CCZ1: variants seen among roughly 807,000 people sequenced by gnomAD.
CCZ1 encodes CCZ1 vacuolar protein trafficking and biogenesis associated, also known as vacuolar fusion protein CCZ1 homolog.
A neutral mutation model predicts 57.8 loss-of-function variants in CCZ1; 19 were observed. The observed-to-expected ratio is 0.33, with a 90% CI of 0.23 to 0.48. The LOEUF (loss-of-function observed/expected upper bound fraction) is 0.48. Ranked by LOEUF, CCZ1 falls within the 20% of genes least tolerant of loss-of-function variation. CCZ1 has a pLI of 0.99. For missense variants in CCZ1, 200 were observed against 492.0 expected (o/e 0.41, Z 5.61); for synonymous variants, 81 against 167.0 (o/e 0.49, Z 3.97).
rs142826003 is a variant in CCZ1, at chr7:5,901,681, C to T, written c.415C>T (p.Arg139Trp). 211 of 1,598,558 alleles carry T rather than the reference C, an allele frequency of 1.3e-4. 18 individuals carry two copies. In the African/African-American group the frequency reaches 2.4e-3, roughly 18 times the overall value. Residue 139 changes from arginine to tryptophan, a missense_variant, in exon 5 of 15, where the codon CGG becomes TGG. By Grantham distance (101) the Arg-to-Trp change is moderately radical. Transcript: ENST00000325974. ...LLDKVYSSVL[R>W]QCYSMYKLFN... ...GGACAAGGTTTATAGCTCGGTGCTG[C>T]GGCAGTGCTACAGCATGTACAAGGT... is the stretch of plus-strand genomic sequence containing the variant.
intron 12 of CCZ1, among the ~76,000 whole-genome samples, chr7:5,920,796 A>T: frequency 1.0e-5 from 1 of 96,484 alleles, no homozygotes; most frequent in Non-Finnish European, 2.1e-5. Context: ...TCAATATAAA[A>T]TAGTTATTAT....
At chr7:5,906,359 T>A (rs1259469747) in intron 7 of CCZ1, among the ~76,000 whole-genome samples, 1 of 142,048 alleles carries the variant, frequency 7.0e-6, no homozygotes, top group Non-Finnish European at 1.5e-5. Flanking sequence ...AGTCTCACTC[T>A]GTTGCCAGGC....
In CCZ1 at chr7:5,912,934, C is replaced by T. The variant is rs1259694550; in HGVS notation, c.934C>T (p.Leu312Phe). 12 of 1,596,818 alleles carry T rather than the reference C, an allele frequency of 7.5e-6. No homozygotes were observed. The highest frequency in any genetic ancestry group is 2.3e-5 in the South Asian group (2 of 88,762). ...AAATACAGATGACACTTATGAAGAG[C>T]TCCATTTAATCGTTTATAAGGTAAC... ...FVNTDDTYEE[L>F]HLIVYKAMSA... is the part of the protein sequence containing the mutation. The change falls in exon 10 of 15, where the codon CTC (leucine) becomes TTC (phenylalanine). Residue 312 changes from leucine to phenylalanine, a missense_variant. Physicochemically the swap from Leu to Phe is conservative, Grantham distance 22. Coordinates refer to ENST00000325974, the MANE Select transcript of CCZ1 (RefSeq NM_015622.6).
rs1189702564 is a variant in CCZ1 at position 5,926,149 on chromosome 7, G to C, written c.*462G>C. The C allele has an allele frequency of 5.1e-6, 2 of 388,896 alleles. No homozygotes were observed. Among genetic ancestry groups the C allele is most frequent in the Admixed American group, 4.5e-5 (1 of 22,226 alleles). 24.1% of individuals were successfully genotyped at this position (388,896 alleles called of 1,614,324 possible). On this transcript the variant is annotated 3_prime_UTR_variant, in exon 15 of 15. Transcript: ENST00000325974. ...TAGAACCACATGTACACACCACCACGGTCGGCTGATGTTTTAATTTTGCAG... is the reference window on the plus strand; with the variant it reads ...TAGAACCACATGTACACACCACCACCGTCGGCTGATGTTTTAATTTTGCAG...
chr7:5,908,817 G>T (rs1408935762), intron 7 of CCZ1, among the ~76,000 whole-genome samples: 1 of 143,688 alleles, frequency 7.0e-6, no homozygotes, highest in Non-Finnish European at 1.5e-5. Context: ...GCTCCTTCCT[G>T]CCTCATTTCA....
At chr7:5,914,803 G>A (rs1779117282) in intron 10 of CCZ1, among the ~76,000 whole-genome samples, 1 of 145,518 alleles carries the variant, frequency 6.9e-6, no homozygotes, top group Non-Finnish European at 1.5e-5. Context: ...TTGTACCCGC[G>A]AGGCGGAGGT....
rs1162797758 is a variant in CCZ1 at position 5,925,957 on chromosome 7, TG to T, written c.*271del. The T allele has an allele frequency of 1.6e-6, 1 of 611,374 alleles. No individual in the cohort carries two copies. The highest frequency in any genetic ancestry group is 2.9e-6 in the Non-Finnish European group (1 of 343,882). 37.9% of individuals were successfully genotyped at this position (611,374 alleles called of 1,614,324 possible). ...TTACTGGAAAATAAGACTAATAAAT[TG>T]TTAAAAGTTTTTAAAATTCTGGTTT... On this transcript the variant is annotated 3_prime_UTR_variant, in exon 15 of 15. Coordinates refer to ENST00000325974, the MANE Select transcript of CCZ1 (RefSeq NM_015622.6).
At position 5,925,544 on chromosome 7, in the gene CCZ1, A is replaced by T. The variant is rs1583197015; in HGVS notation, c.1394-88A>T. ...AAAATCAATGCAAATCTCTCTTCCTAATTTTACCCAAGAAGAATTTAATTA... is the reference window on the plus strand; with the variant it reads ...AAAATCAATGCAAATCTCTCTTCCTTATTTTACCCAAGAAGAATTTAATTA... On this transcript the variant is annotated intron_variant, in intron 14 of 14. Coordinates refer to ENST00000325974, the MANE Select transcript of CCZ1 (RefSeq NM_015622.6). 7.0e-6 allele frequency: 11 copies of T among 1,568,030 alleles called. 1 individual carries two copies. Among genetic ancestry groups the T allele is most frequent in the Non-Finnish European group, 9.6e-6 (11 of 1,145,356 alleles).
At position 5,910,547 on chromosome 7, in the gene CCZ1, C is replaced by T. The variant is rs59259289; in HGVS notation, c.780+431C>T. Among the ~76,000 whole-genome samples the T allele has an allele frequency of 8.2e-3, 1,193 of 145,500 alleles. 20 individuals carry two copies. The highest frequency in any genetic ancestry group is 0.028 in the African/African-American group (1,133 of 39,760). ...TTCACTATGTTGGCCAGGCTGGTCTCGAACTCCTGACCTTGTGATCTGCCC... is the reference window on the plus strand; with the variant it reads ...TTCACTATGTTGGCCAGGCTGGTCTTGAACTCCTGACCTTGTGATCTGCCC... On this transcript the variant is annotated intron_variant, in intron 8 of 14. Transcript: ENST00000325974.
intron 5 of CCZ1, 124 bp downstream of exon 5, chr7:5,901,828 A>G: frequency 1.7e-6 from 2 of 1,205,120 alleles, no homozygotes; most frequent in Non-Finnish European, 2.2e-6. Flanking sequence ...CTTAGAGAAG[A>G]AAATAATGAG....
At chr7:5,923,646 A>ATGG (rs1470660254) in intron 13 of CCZ1, 101 bp downstream of exon 13, 4 of 323,858 alleles carry the variant, frequency 1.2e-5, no homozygotes, top group Non-Finnish European at 2.4e-5. Flanking sequence ...AGCGTGAACC[A>ATGG]CCTTCATGGG....
In CCZ1 at chr7:5,901,239, C is replaced by G. The variant is rs1374038404; in HGVS notation, c.390+307C>G. 3 of 178,742 alleles carry G rather than the reference C, an allele frequency of 1.7e-5. No individual in the cohort carries two copies. The East Asian group carries it at 4.9e-4, about 29-fold the overall frequency. The allele number at this position is 178,742 out of a possible 1,614,324, so 11.1% of individuals were successfully genotyped here. On this transcript the variant is annotated intron_variant, in intron 4 of 14. Coordinates refer to ENST00000325974, the MANE Select transcript of CCZ1 (RefSeq NM_015622.6). ...GTGGCTCACACCTGTAATCCTAGTA[C>G]TTTGGGAGGTCAAGGCAGGCAGATT...
chr7:5,908,396 A>G (rs1181518578), intron 7 of CCZ1, among the ~76,000 whole-genome samples: 1 of 145,326 alleles, frequency 6.9e-6, no homozygotes, highest in African/African-American at 2.6e-5. Flanking sequence ...TTTTTTTGAG[A>G]CTGAGTCTCA....
intron 8 of CCZ1, among the ~76,000 whole-genome samples, chr7:5,910,735 T>C (rs1341206461): frequency 7.2e-6 from 1 of 138,448 alleles, no homozygotes; most frequent in African/African-American, 2.7e-5. Flanking sequence ...TATTTATTTA[T>C]TTATTTATTT....
chr7:5,904,855 AAC>A (rs1344744472), intron 6 of CCZ1, among the ~76,000 whole-genome samples: 1 of 148,136 alleles, frequency 6.8e-6, no homozygotes, highest in Non-Finnish European at 1.5e-5. Flanking sequence ...AAAGCAGTAA[AAC>A]ACAATACTGA....
At chr7:5,899,695 T>G (rs953075426) in intron 1 of CCZ1, among the ~76,000 whole-genome samples, 1 of 147,646 alleles carries the variant, frequency 6.8e-6, no homozygotes, top group African/African-American at 2.5e-5. Context: ...TGAGCCCAAG[T>G]GATTGAGGCT....
chr7:5,900,780 A>C, intron 3 of CCZ1, 75 bp from the exon 4 acceptor site: 1 of 1,574,064 alleles, frequency 6.4e-7, no homozygotes, highest in Non-Finnish European at 8.6e-7. Context: ...AGCATGTTCA[A>C]AGTTTTTAAA....
chr7:5,899,718 T>G (rs963314963), intron 1 of CCZ1, among the ~76,000 whole-genome samples: 1 of 150,294 alleles, frequency 6.7e-6, no homozygotes, highest in South Asian at 2.1e-4. Flanking sequence ...AGGTGAGCTG[T>G]AATAGCGCCA....
intron 8 of CCZ1, among the ~76,000 whole-genome samples, chr7:5,910,432 T>C (rs1781942273): frequency 6.7e-6 from 1 of 149,018 alleles, no homozygotes; most frequent in Non-Finnish European, 1.5e-5. Context: ...TTCAAGCAAT[T>C]CTCCTTGCCT....
Sources: allele counts gnomAD v4.1 joint callset (sites outside exome capture counted in the v4.1 genomes callset), GRCh38; gene constraint gnomAD v4.1.1; transcripts MANE v1.5; gene names NCBI Gene and HGNC (gene_info 2026-07-23, HGNC 2026-07-21).